Variants in SLC24A3 observed in about 807,000 individuals in gnomAD.
The protein encoded by SLC24A3 is sodium/potassium/calcium exchanger 3.
A neutral mutation model predicts 75.8 loss-of-function variants in SLC24A3; 28 were observed. The observed-to-expected ratio is 0.37, with a 90% confidence interval of 0.27 to 0.51. The LOEUF is 0.51. SLC24A3 is among the 20% of genes least tolerant of loss of function. The probability of loss-of-function intolerance (pLI) is 0.94; values close to 1 mark genes in which losing one functional copy is unlikely to be tolerated. For missense variants in SLC24A3, 663 were observed against 847.8 expected (o/e 0.78, Z 2.71); for synonymous variants, 372 against 334.1 (o/e 1.11, Z -1.24).
At chr20:19,692,043 A>G (rs2032750762) in intron 12 of SLC24A3, among the ~76,000 whole-genome samples, 1 of 152,226 alleles carries the variant, frequency 6.6e-6, no homozygotes, top group Non-Finnish European at 1.5e-5. Flanking sequence ...TTTTCTATCT[A>G]TGCAGTTTTA....
At chr20:19,393,542 G>T (rs988696019) in intron 2 of SLC24A3, among the ~76,000 whole-genome samples, 4 of 152,044 alleles carry the variant, frequency 2.6e-5, no homozygotes, top group African/African-American at 9.7e-5. Context: ...AAAATCAGTT[G>T]CATTTCTATA....
In SLC24A3 at chr20:19,513,245, G is replaced by T. The variant is rs374776717; in HGVS notation, c.272-2243G>T. The stretch of plus-strand genomic sequence containing the variant: ...TGGAATTGCAGATCCATGCAGTAGG[G>T]GGGTGGCATGTGTGAGGGGCGTCCC... On this transcript the variant is annotated intron_variant, in intron 2 of 16. Transcript: ENST00000328041. Among the ~76,000 whole-genome samples, 54 of 152,362 alleles carry T rather than the reference G, an allele frequency of 3.5e-4. 2 individuals are homozygous for T. In the East Asian group the frequency reaches 8.9e-3, roughly 25 times the overall value.
chr20:19,465,497 T>C (rs1295389102), intron 2 of SLC24A3, among the ~76,000 whole-genome samples: 2 of 151,564 alleles, frequency 1.3e-5, no homozygotes, highest in Non-Finnish European at 2.9e-5. Context: ...CAATGAACAA[T>C]GAAATTTATT....
intron 2 of SLC24A3, among the ~76,000 whole-genome samples, chr20:19,384,329 A>G (rs1986234487): frequency 1.3e-5 from 2 of 152,162 alleles, no homozygotes; most frequent in East Asian, 1.9e-4. Context: ...CAACATCTCA[A>G]CATCTCCTTT....
intron 2 of SLC24A3, among the ~76,000 whole-genome samples, chr20:19,462,934 T>A (rs1987702460): frequency 6.6e-6 from 1 of 152,170 alleles, no homozygotes; most frequent in Non-Finnish European, 1.5e-5. Flanking sequence ...CAGGTCATAG[T>A]TTGAGATTCT....
intron 12 of SLC24A3, among the ~76,000 whole-genome samples, chr20:19,687,968 A>G (rs2032697677): frequency 1.3e-5 from 2 of 152,158 alleles, no homozygotes; most frequent in Admixed American, 6.5e-5. Flanking sequence ...CCTGAGGCTC[A>G]GGAACCCCAC....
intron 2 of SLC24A3, among the ~76,000 whole-genome samples, chr20:19,391,842 T>C (rs1986372080): frequency 6.6e-6 from 1 of 152,224 alleles, no homozygotes; most frequent in Admixed American, 6.5e-5. Flanking sequence ...CTCTGGCCTC[T>C]TGAGGCTTGT....
chr20:19,480,477 A>T (rs1600246897), intron 2 of SLC24A3, among the ~76,000 whole-genome samples: 1 of 152,192 alleles, frequency 6.6e-6, no homozygotes, highest in Admixed American at 6.5e-5. Flanking sequence ...ATTCGGGGTT[A>T]AAAAGTTGTG....
At chr20:19,392,361 T>C (rs1986381841) in intron 2 of SLC24A3, among the ~76,000 whole-genome samples, 1 of 152,204 alleles carries the variant, frequency 6.6e-6, no homozygotes, top group Admixed American at 6.5e-5. Flanking sequence ...GATTCCAGCA[T>C]GTTCTATTAG....
At chr20:19,338,000 G>C (rs1189748211) in intron 2 of SLC24A3, among the ~76,000 whole-genome samples, 2 of 152,220 alleles carry the variant, frequency 1.3e-5, no homozygotes, top group African/African-American at 2.4e-5. Context: ...TCAGGGGATA[G>C]AGGCACCACA....
intron 2 of SLC24A3, among the ~76,000 whole-genome samples, chr20:19,500,880 C>T (rs540910679): frequency 6.6e-6 from 1 of 152,284 alleles, no homozygotes; most frequent in Admixed American, 6.5e-5. Flanking sequence ...TGAAATTTGT[C>T]CTAGCTCATG....
chr20:19,665,820 T>C, intron 7 of SLC24A3, 44 bp from the exon 8 acceptor site: 1 of 1,540,384 alleles, frequency 6.5e-7, no homozygotes. Flanking sequence ...TGTGTGTGTG[T>C]GTGTGTGTGT....
chr20:19,682,264 TAAAAG>T (rs1401546962), intron 10 of SLC24A3, among the ~76,000 whole-genome samples: 1 of 151,356 alleles, frequency 6.6e-6, no homozygotes, highest in Non-Finnish European at 1.5e-5. Flanking sequence ...CAAAAAAAAA[TAAAAG>T]AAAGAAAGAA....
chr20:19,298,983 G>A (rs1466426412), intron 2 of SLC24A3, among the ~76,000 whole-genome samples: 4 of 152,162 alleles, frequency 2.6e-5, no homozygotes, highest in Admixed American at 6.5e-5. Context: ...CCCCATGGCC[G>A]AAGACAGCCT....
chr20:19,454,783 A>G (rs906318748), intron 2 of SLC24A3, among the ~76,000 whole-genome samples: 2 of 152,212 alleles, frequency 1.3e-5, no homozygotes, highest in African/African-American at 4.8e-5. Flanking sequence ...GTTAAATGCA[A>G]AGTCCCTCAT....
intron 2 of SLC24A3, among the ~76,000 whole-genome samples, chr20:19,460,954 G>C (rs191302677): frequency 6.6e-6 from 1 of 152,216 alleles, no homozygotes; most frequent in Non-Finnish European, 1.5e-5. Flanking sequence ...TCCTGGTAGA[G>C]TCATGTCCTA....
intron 15 of SLC24A3, among the ~76,000 whole-genome samples, chr20:19,716,283 T>C (rs2122175354): frequency 6.6e-6 from 1 of 152,176 alleles, no homozygotes; most frequent in Admixed American, 6.5e-5. Context: ...CTTCTCTACA[T>C]CATGAAAGAA....
chr20:19,264,876 T>C (rs529918730), intron 1 of SLC24A3, among the ~76,000 whole-genome samples: 4 of 152,196 alleles, frequency 2.6e-5, no homozygotes, highest in African/African-American at 7.2e-5. Context: ...AATGCATGTC[T>C]GAGCTTCCAG....
intron 2 of SLC24A3, among the ~76,000 whole-genome samples, chr20:19,337,106 C>A (rs572864170): frequency 6.6e-6 from 1 of 152,224 alleles, no homozygotes; most frequent in South Asian, 2.1e-4. Context: ...GATTAAATTA[C>A]AAAGGGACTA....
Sources: allele counts gnomAD v4.1 joint callset (sites outside exome capture counted in the v4.1 genomes callset), GRCh38; gene constraint gnomAD v4.1.1; transcripts MANE v1.5; gene names NCBI Gene and HGNC (gene_info 2026-07-23, HGNC 2026-07-21).